Variants in LRRC18 observed in about 807,000 individuals in gnomAD.
The protein encoded by LRRC18 is leucine rich repeat containing 18, also known as leucine-rich repeat-containing protein 18.
In LRRC18, 12 loss-of-function variants were observed where a neutral mutation model predicts 11.2. The ratio of observed to expected loss-of-function variants is 1.07; its 90% CI spans 0.69 to 1.74. The LOEUF is 1.74. Among genes scored for constraint, LRRC18 ranks in the 40% most tolerant of loss-of-function variants. The pLI is 0.00. For synonymous variants in LRRC18, 155 were observed against 130.6 expected (o/e 1.19, Z -1.27); for missense variants, 374 against 330.5 (o/e 1.13, Z -1.02).
chr10:48,939,626 G>A, the LRRC18 span, among the ~76,000 whole-genome samples: 1 of 152,214 alleles, frequency 6.6e-6, no homozygotes, highest in Non-Finnish European at 1.5e-5. Context: ...AACTTTTAAA[G>A]AAATACTTTC....
At chr10:48,931,849 C>T in the LRRC18 span, among the ~76,000 whole-genome samples, 4 of 152,194 alleles carry the variant, frequency 2.6e-5, 1 homozygote, top group Non-Finnish European at 5.9e-5. Context: ...GGACTTTGTG[C>T]AAACAGACAT....
chr10:48,915,848 A>C (rs965077314), upstream of LRRC18, among the ~76,000 whole-genome samples: 1 of 152,130 alleles, frequency 6.6e-6, no homozygotes, highest in African/African-American at 2.4e-5. Context: ...TTGTAAGCTG[A>C]CCCTAGTCTT....
At chr10:48,913,422 G>A in exon 1 of LRRC18, 2 of 1,612,728 alleles carry the variant, frequency 1.2e-6, no homozygotes, top group Non-Finnish European at 1.7e-6. Flanking sequence ...CTTGGCCATG[G>A]AATTGGGTGA....
the LRRC18 span, among the ~76,000 whole-genome samples, chr10:48,926,916 C>G: frequency 6.6e-6 from 1 of 152,212 alleles, no homozygotes; most frequent in East Asian, 1.9e-4. Flanking sequence ...GCAGGCCCAA[C>G]GCAGTGTGAA....
chr10:48,939,586 A>AATGATGG, the LRRC18 span, among the ~76,000 whole-genome samples: 1 of 152,228 alleles, frequency 6.6e-6, no homozygotes, highest in African/African-American at 2.4e-5. Context: ...CTTACATGAT[A>AATGATGG]ATGATGGATG....
exon 1 of LRRC18, chr10:48,913,448 G>A (rs998759921): frequency 1.2e-6 from 2 of 1,613,586 alleles, no homozygotes. Context: ...GATTGGGAAA[G>A]ATGGTCTTTC....
chr10:48,918,274 A>T (rs1222328907), upstream of LRRC18, among the ~76,000 whole-genome samples: 1 of 152,218 alleles, frequency 6.6e-6, no homozygotes, highest in African/African-American at 2.4e-5. Flanking sequence ...GCTCCAATTA[A>T]AAGACACAAT....
upstream of LRRC18, among the ~76,000 whole-genome samples, chr10:48,917,536 G>C (rs1838662946): frequency 6.6e-6 from 1 of 152,236 alleles, no homozygotes; most frequent in Non-Finnish European, 1.5e-5. Flanking sequence ...ACAGCAATAG[G>C]AATGACTGCA....
At chr10:48,913,360 CCCT>C in intron 1 of LRRC18, 29 bp downstream of exon 3, 1 of 1,592,314 alleles carries the variant, frequency 6.3e-7, no homozygotes, top group South Asian at 1.1e-5. Context: ...CTCTCTCTTT[CCCT>C]TCTGCCTCAG....
At chr10:48,939,324 C>T in the LRRC18 span, among the ~76,000 whole-genome samples, 1 of 152,202 alleles carries the variant, frequency 6.6e-6, no homozygotes, top group South Asian at 2.1e-4. Context: ...TAGCCTTTTC[C>T]AGACCCATGG....
chr10:48,910,190 G>A lies in LRRC18; in HGVS notation c.*47C>T, dbSNP rs201662571. On this transcript the variant is annotated 3_prime_UTR_variant, in exon 2 of 2. Coordinates refer to ENST00000374160, the Ensembl canonical transcript of LRRC18. Reference sequence around the variant, plus strand: ...CTGGGGGCTTCTCCTCTTCAGAGTCGTTTATTCTGTTAGCTGAGTAGTCTT... The same window carrying A: ...CTGGGGGCTTCTCCTCTTCAGAGTCATTTATTCTGTTAGCTGAGTAGTCTT... 142 of 1,499,356 alleles carry A rather than the reference G, an allele frequency of 9.5e-5. No individual in the cohort carries two copies. In the African/African-American group the frequency reaches 1.7e-3, roughly 18 times the overall value. The allele number at this position is 1,499,356 out of a possible 1,614,324, so 92.9% of individuals were successfully genotyped here.
chr10:48,925,475 C>T, the LRRC18 span, among the ~76,000 whole-genome samples: 2 of 152,124 alleles, frequency 1.3e-5, no homozygotes, highest in African/African-American at 2.4e-5. Context: ...ATTCTGGGCC[C>T]GAAATTGTGT....
the LRRC18 span, among the ~76,000 whole-genome samples, chr10:48,935,963 C>G: frequency 6.7e-6 from 1 of 148,872 alleles, no homozygotes; most frequent in Non-Finnish European, 1.5e-5. Context: ...ATGAGGAAAA[C>G]AAATTAAGTA....
Position 48,913,648 on chromosome 10 carries a change from T to A in LRRC18, c.508A>T (p.Lys170Ter). Residue 170 changes from lysine to a stop codon, truncating the protein, a stop_gained, in exon 1 of 2, where the codon AAA becomes TAA. Transcript: ENST00000374160. LOFTEE classifies it high-confidence loss of function. ...GGGTTCCGCTTTATGTTGAGCTTTTTCAGCTTGGGGAGCTTGGAGATGCTC... is the reference window on the plus strand; with the variant it reads ...GGGTTCCGCTTTATGTTGAGCTTTTACAGCTTGGGGAGCTTGGAGATGCTC... 1.2e-6 allele frequency: 2 copies of A among 1,613,976 alleles called. No individual in the cohort carries two copies. Among genetic ancestry groups the A allele is most frequent in the Non-Finnish European group, 1.7e-6 (2 of 1,179,894 alleles).
Position 48,912,543 on chromosome 10 carries a change from C to T in LRRC18, c.764+849G>A, listed in dbSNP as rs1315897583. 2.0e-5 allele frequency among the ~76,000 whole-genome samples: 3 copies of T among 152,242 alleles called. No individual in the cohort carries two copies. In the East Asian group the frequency reaches 5.8e-4, roughly 29 times the overall value. On this transcript the variant is annotated intron_variant, in intron 1 of 1. Transcript: ENST00000374160. ...CTCAGACAGTGGTGCTCTGCCCCAT[C>T]TCATTTCAGTTGCTCTCTCCTCCAG...
intron 1 of LRRC18, 85 bp downstream of exon 3, chr10:48,913,307 C>A (rs1030986759): frequency 7.7e-7 from 1 of 1,294,182 alleles, no homozygotes; most frequent in Non-Finnish European, 1.1e-6. Context: ...CACAGGGGAG[C>A]CCTTGGTTTC....
At chr10:48,920,980 A>C in the LRRC18 span, among the ~76,000 whole-genome samples, 2 of 152,216 alleles carry the variant, frequency 1.3e-5, no homozygotes, top group East Asian at 3.8e-4. Context: ...AAATTATAAA[A>C]TGCTGATGTA....
chr10:48,928,046 T>G, the LRRC18 span, among the ~76,000 whole-genome samples: 1 of 152,206 alleles, frequency 6.6e-6, no homozygotes, highest in Non-Finnish European at 1.5e-5. Context: ...GAGCAGTGAT[T>G]CCATTCCACC....
the LRRC18 span, among the ~76,000 whole-genome samples, chr10:48,925,089 T>G: frequency 6.6e-6 from 1 of 152,220 alleles, no homozygotes; most frequent in Admixed American, 6.5e-5. Context: ...ATCTTTTACT[T>G]GTCGGTCATC....
Sources: gnomAD v4.1 joint callset for allele counts (sites outside exome capture counted in the v4.1 genomes callset) on GRCh38, gnomAD v4.1.1 for gene constraint, MANE v1.5 for transcripts, NCBI Gene and HGNC (gene_info 2026-07-23, HGNC 2026-07-21) for gene names.